The following PKHD1 variants were observed in gnomAD, a reference collection of about 807,000 sequenced individuals.
The protein encoded by PKHD1 is PKHD1 ciliary IPT domain containing fibrocystin/polyductin, also known as fibrocystin.
A neutral mutation model predicts 412.0 loss-of-function variants in PKHD1; 291 were observed. That is an observed-to-expected ratio of 0.71 (90% CI 0.64 to 0.78). The LOEUF (loss-of-function observed/expected upper bound fraction) is 0.78, where lower values mean the gene tolerates loss of function less well. Ranked by LOEUF, PKHD1 falls within the 30% of genes least tolerant of loss-of-function variation. The pLI is 0.00. For synonymous variants in PKHD1, 1,777 were observed against 1,821.5 expected, an observed-to-expected ratio of 0.98 and a Z score of 0.62; for missense variants, 4,825 against 4,950.7, an observed-to-expected ratio of 0.97 and a Z score of 0.76.
intron 36 of PKHD1, among the ~76,000 whole-genome samples, chr6:51,938,723 C>G (rs901174155): frequency 1.3e-5 from 2 of 151,618 alleles, no homozygotes; most frequent in African/African-American, 4.8e-5. Context: ...GGGAACCTCC[C>G]TTGGGAGATC....
chr6:51,889,841 T>C (rs959463684), intron 43 of PKHD1, among the ~76,000 whole-genome samples: 1 of 152,126 alleles, frequency 6.6e-6, no homozygotes, highest in Non-Finnish European at 1.5e-5. Context: ...TGGTGAAGTT[T>C]TTTGCCATGA....
At chr6:51,812,493 A>T (rs1488759649) in intron 52 of PKHD1, among the ~76,000 whole-genome samples, 1 of 152,170 alleles carries the variant, frequency 6.6e-6, no homozygotes, top group East Asian at 1.9e-4. Context: ...TTTAGGTACA[A>T]CTGACCAGCA....
chr6:51,922,924 G>A (rs1298928429), intron 37 of PKHD1, among the ~76,000 whole-genome samples: 5 of 152,052 alleles, frequency 3.3e-5, no homozygotes, highest in South Asian at 2.1e-4. Context: ...ACCCTGCTTC[G>A]GCTCACACTC....
intron 49 of PKHD1, among the ~76,000 whole-genome samples, chr6:51,848,828 T>C (rs916738237): frequency 7.9e-5 from 12 of 151,298 alleles, no homozygotes; most frequent in Non-Finnish European, 1.6e-4. Context: ...GTTAAAAGTA[T>C]GAAAATAAGC....
chr6:52,069,924 A>G (rs1562279826), intron 10 of PKHD1, among the ~76,000 whole-genome samples: 1 of 152,228 alleles, frequency 6.6e-6, no homozygotes, highest in East Asian at 1.9e-4. Context: ...ATTATTATCA[A>G]TTAGACCCTA....
At position 51,718,834 on chromosome 6, in the gene PKHD1, A is replaced by G. The variant is rs1383341513; in HGVS notation, c.10156+25551T>C. Among the ~76,000 whole-genome samples, 3 of 152,232 alleles carry G rather than the reference A, an allele frequency of 2.0e-5. No homozygotes were observed. The East Asian group carries it at 5.8e-4, about 29-fold the overall frequency. ...TCATATGTGCAAGTATACTGCATCA[A>G]GACAAAAGGAAATACCAGAGCAATC... On this transcript the variant is annotated intron_variant, in intron 60 of 66. Transcript: ENST00000371117.
chr6:51,799,988 A>G (rs755235939), intron 52 of PKHD1, among the ~76,000 whole-genome samples: 12 of 152,158 alleles, frequency 7.9e-5, no homozygotes, highest in Non-Finnish European at 1.8e-4. Flanking sequence ...CCTACTTGAG[A>G]GAATCAGCAC....
At chr6:51,901,268 C>G in intron 43 of PKHD1, among the ~76,000 whole-genome samples, 1 of 152,122 alleles carries the variant, frequency 6.6e-6, no homozygotes. Context: ...TTGGAACCAA[C>G]CCAAATGTCC....
chr6:51,746,026 T>C (rs1289471691), intron 59 of PKHD1, among the ~76,000 whole-genome samples: 2 of 151,950 alleles, frequency 1.3e-5, no homozygotes, highest in Admixed American at 6.6e-5. Context: ...AATAAAGGAG[T>C]TTGCCCCAGT....
At chr6:52,078,346 A>T (rs1386458693) in intron 5 of PKHD1, among the ~76,000 whole-genome samples, 1 of 152,136 alleles carries the variant, frequency 6.6e-6, no homozygotes, top group African/African-American at 2.4e-5. Context: ...CTCGGGCCCC[A>T]GTGTGGTCAG....
At chr6:51,652,150 A>T (rs185414381) in intron 61 of PKHD1, among the ~76,000 whole-genome samples, 4 of 152,206 alleles carry the variant, frequency 2.6e-5, no homozygotes, top group Admixed American at 2.0e-4. Context: ...TTTTACCATT[A>T]TTTAATAGCT....
intron 60 of PKHD1, among the ~76,000 whole-genome samples, chr6:51,711,434 A>G (rs1036827769): frequency 3.3e-5 from 5 of 152,324 alleles, no homozygotes; most frequent in African/African-American, 1.2e-4. Flanking sequence ...TCTTGTCTCT[A>G]TCCCTGAGCT....
At chr6:51,918,832 T>C (rs1784243050) in intron 37 of PKHD1, among the ~76,000 whole-genome samples, 1 of 152,216 alleles carries the variant, frequency 6.6e-6, no homozygotes, top group South Asian at 2.1e-4. Flanking sequence ...TGTTATTTCC[T>C]GACTTTTTAA....
At chr6:51,714,263 G>A (rs1006272413) in intron 60 of PKHD1, among the ~76,000 whole-genome samples, 4 of 152,102 alleles carry the variant, frequency 2.6e-5, no homozygotes, top group African/African-American at 4.8e-5. Flanking sequence ...CCACCTACTC[G>A]GGAGGCTGAG....
chr6:51,915,120 G>T (rs1783571369), intron 37 of PKHD1, among the ~76,000 whole-genome samples: 1 of 152,002 alleles, frequency 6.6e-6, no homozygotes, highest in Non-Finnish European at 1.5e-5. Context: ...GAGAAGATAT[G>T]GGGTCAATCT....
chr6:52,028,815 C>T (rs905690874), intron 29 of PKHD1, among the ~76,000 whole-genome samples: 1 of 152,300 alleles, frequency 6.6e-6, no homozygotes, highest in South Asian at 2.1e-4. Flanking sequence ...CCTGGCTTAA[C>T]AACTCTTTTA....
Position 51,651,608 on chromosome 6 carries a change from G to A in PKHD1, c.11175-2388C>T, listed in dbSNP as rs544747198. 5.3e-4 allele frequency among the ~76,000 whole-genome samples: 81 copies of A among 152,154 alleles called. 1 individual carries two copies. The highest frequency in any genetic ancestry group is 1.8e-3 in the African/African-American group (76 of 41,552). On this transcript the variant is annotated intron_variant, in intron 61 of 66. Transcript: ENST00000371117. The stretch of plus-strand genomic sequence containing the variant: ...AGTCACTCATCCACTTTCCTTTCAT[G>A]ATGGGCTCCTTTTGCATTTAATATG...
At chr6:52,038,243 T>C (rs927505874) in intron 27 of PKHD1, among the ~76,000 whole-genome samples, 22 of 152,066 alleles carry the variant, frequency 1.4e-4, no homozygotes, top group African/African-American at 5.3e-4. Context: ...TAGCTGGGCA[T>C]GGTGGCTTGT....
intron 50 of PKHD1, 43 bp from the exon 51 acceptor site, chr6:51,836,512 T>A (rs1162629292): frequency 2.2e-6 from 3 of 1,356,814 alleles, no homozygotes; most frequent in Non-Finnish European, 3.2e-6. Context: ...ACAAAGATCA[T>A]CTTAATATTA....
Sources: gnomAD v4.1 joint callset for allele counts (sites outside exome capture counted in the v4.1 genomes callset) on GRCh38, gnomAD v4.1.1 for gene constraint, MANE v1.5 for transcripts, NCBI Gene and HGNC (gene_info 2026-07-23, HGNC 2026-07-21) for gene names.